Variants in RARB observed in about 807,000 individuals in gnomAD.
RARB encodes HBV-activated protein.
In RARB, 17 loss-of-function variants were observed where a neutral mutation model predicts 51.9. That is an observed-to-expected ratio of 0.33 (90% CI 0.22 to 0.49). The LOEUF (loss-of-function observed/expected upper bound fraction) is 0.49, where lower values mean the gene tolerates loss of function less well. RARB is among the 20% of genes least tolerant of loss of function. The pLI is 0.99. For synonymous variants in RARB, 215 were observed against 195.4 expected, an observed-to-expected ratio of 1.10 and a Z score of -0.84; for missense variants, 369 against 550.8, an observed-to-expected ratio of 0.67 and a Z score of 3.30.
intron 3 of RARB, among the ~76,000 whole-genome samples, chr3:25,094,245 G>A (rs902549557): frequency 6.6e-6 from 1 of 152,140 alleles, no homozygotes; most frequent in African/African-American, 2.4e-5. Flanking sequence ...ACTAAAGTCT[G>A]TCTGAAATTC....
chr3:25,490,336 G>A (rs1169007393), intron 2 of RARB, among the ~76,000 whole-genome samples: 1 of 152,072 alleles, frequency 6.6e-6, no homozygotes, highest in African/African-American at 2.4e-5. Context: ...AGCAATACAA[G>A]TACATCATAA....
intron 2 of RARB, among the ~76,000 whole-genome samples, chr3:25,495,882 A>C (rs1697001299): frequency 6.6e-6 from 1 of 152,148 alleles, no homozygotes; most frequent in South Asian, 2.1e-4. Flanking sequence ...AAGCAACAAA[A>C]CTCAAGTTTG....
At chr3:25,181,561 G>A (rs967383575) in intron 5 of RARB, among the ~76,000 whole-genome samples, 3 of 152,130 alleles carry the variant, frequency 2.0e-5, no homozygotes, top group Admixed American at 6.6e-5. Flanking sequence ...CAATGTATGC[G>A]ATAGTTGCAA....
At chr3:25,541,247 C>T (rs1699368941) in intron 3 of RARB, among the ~76,000 whole-genome samples, 1 of 152,188 alleles carries the variant, frequency 6.6e-6, no homozygotes, top group Non-Finnish European at 1.5e-5. Flanking sequence ...CTGAATCCCT[C>T]CTCATCCTCT....
intron 2 of RARB, among the ~76,000 whole-genome samples, chr3:25,488,935 A>G (rs1381203049): frequency 6.6e-6 from 1 of 152,162 alleles, no homozygotes; most frequent in African/African-American, 2.4e-5. Flanking sequence ...CCTTCTCTCC[A>G]GTGTAATCAA....
chr3:24,882,647 A>T (rs1278567732), intron 2 of RARB, among the ~76,000 whole-genome samples: 3 of 152,170 alleles, frequency 2.0e-5, no homozygotes, highest in Non-Finnish European at 2.9e-5. Flanking sequence ...TTTACTAGAG[A>T]AGAACAGAGT....
intron 1 of RARB, among the ~76,000 whole-genome samples, chr3:24,854,320 A>G (rs544441809): frequency 6.6e-6 from 1 of 152,308 alleles, no homozygotes; most frequent in African/African-American, 2.4e-5. Flanking sequence ...GTAATCCAAG[A>G]ATCCTTGGTG....
At chr3:25,291,877 A>G (rs1408797956) in intron 5 of RARB, among the ~76,000 whole-genome samples, 1 of 152,168 alleles carries the variant, frequency 6.6e-6, no homozygotes, top group Non-Finnish European at 1.5e-5. Context: ...GCACAGAGGC[A>G]CAAAAGAACA....
At chr3:24,959,119 G>A (rs1338885667) in intron 2 of RARB, among the ~76,000 whole-genome samples, 3 of 152,236 alleles carry the variant, frequency 2.0e-5, no homozygotes, top group African/African-American at 7.2e-5. Context: ...CATCCATATG[G>A]ACAGCTTAAG....
intron 3 of RARB, among the ~76,000 whole-genome samples, chr3:25,519,676 C>G (rs971084842): frequency 6.6e-6 from 1 of 151,906 alleles, no homozygotes; most frequent in African/African-American, 2.4e-5. Context: ...TTAAGCTTAC[C>G]TGTATTTTTA....
intron 5 of RARB, among the ~76,000 whole-genome samples, chr3:25,313,570 T>G (rs1002523796): frequency 6.6e-6 from 1 of 152,210 alleles, no homozygotes; most frequent in African/African-American, 2.4e-5. Flanking sequence ...GCTTGTCTTT[T>G]GCTAATTGGC....
At chr3:24,924,288 T>A (rs773650030) in intron 2 of RARB, among the ~76,000 whole-genome samples, 8 of 152,180 alleles carry the variant, frequency 5.3e-5, no homozygotes, top group Non-Finnish European at 1.0e-4. Context: ...TCTATATTCT[T>A]TAGCTCAGCT....
chr3:25,575,842 A>G (rs1700906461), intron 4 of RARB, among the ~76,000 whole-genome samples: 1 of 152,200 alleles, frequency 6.6e-6, no homozygotes, highest in Non-Finnish European at 1.5e-5. Context: ...AACACAGTTT[A>G]ACCCGTAACA....
chr3:25,446,575 G>A (rs546920210), intron 1 of RARB, among the ~76,000 whole-genome samples: 23 of 152,032 alleles, frequency 1.5e-4, no homozygotes, highest in Non-Finnish European at 2.1e-4. Context: ...AGGCCGAGGC[G>A]GGCAGATCAA....
chr3:25,581,145 C>T lies in RARB; in HGVS notation c.786+423C>T, dbSNP rs548804913. Reference sequence around the variant, plus strand: ...CACATAAACATTCAAGCTTCCTGTGCGACCACCACACACGGGGACCTCTCT... The same window carrying T: ...CACATAAACATTCAAGCTTCCTGTGTGACCACCACACACGGGGACCTCTCT... On this transcript the variant is annotated intron_variant, in intron 5 of 7. Coordinates refer to ENST00000330688, the MANE Select transcript of RARB (RefSeq NM_000965.5). Among the ~76,000 whole-genome samples the T allele has an allele frequency of 2.2e-3, 329 of 152,278 alleles. 1 individual carries two copies. Among genetic ancestry groups the T allele is most frequent in the Admixed American group, 3.7e-3 (56 of 15,298 alleles).
At chr3:25,558,305 A>C (rs1164993346) in intron 3 of RARB, among the ~76,000 whole-genome samples, 1 of 152,104 alleles carries the variant, frequency 6.6e-6, no homozygotes, top group Non-Finnish European at 1.5e-5. Context: ...CGAAAGTCAC[A>C]ACTTTCTCCA....
chr3:24,925,939 T>C lies in RARB; in HGVS notation c.-380+67187T>C, dbSNP rs143524091. Among the ~76,000 whole-genome samples the C allele has an allele frequency of 7.6e-3, 1,151 of 152,176 alleles. 26 individuals carry two copies. Among genetic ancestry groups the C allele is most frequent in the Admixed American group, 0.04 (604 of 15,272 alleles). On this transcript the variant is annotated intron_variant, in intron 2 of 11. Transcript: ENST00000383772. ...GTTATTTTGGTTTTACAGTGACTTATCCTTTGAAGTTGATGTCTGCTATCT... is the reference window on the plus strand; with the variant it reads ...GTTATTTTGGTTTTACAGTGACTTACCCTTTGAAGTTGATGTCTGCTATCT...
chr3:25,337,162 C>T (rs960167248), intron 5 of RARB, among the ~76,000 whole-genome samples: 1 of 152,090 alleles, frequency 6.6e-6, no homozygotes, highest in South Asian at 2.1e-4. Context: ...ACATTTTGCT[C>T]ATCTATGGAT....
chr3:25,174,998 C>T lies in RARB; in HGVS notation c.178+423C>T, dbSNP rs780549053. On this transcript the variant is annotated intron_variant, in intron 5 of 11. Transcript: ENST00000383772. ...CTTCTCTGAATCTTTTACTTGTTTC[C>T]TGTGTACAAATGATATCTGTAATTG... 3.3e-5 allele frequency among the ~76,000 whole-genome samples: 5 copies of T among 152,114 alleles called. No individual in the cohort carries two copies. In the East Asian group the frequency reaches 9.6e-4, roughly 29 times the overall value.
Sources: allele counts gnomAD v4.1 joint callset (sites outside exome capture counted in the v4.1 genomes callset), GRCh38; gene constraint gnomAD v4.1.1; transcripts MANE v1.5; gene names NCBI Gene and HGNC (gene_info 2026-07-23, HGNC 2026-07-21).